The following SV2C variants were observed in gnomAD, a reference collection of about 807,000 sequenced individuals.
SV2C encodes the protein synaptic vesicle glycoprotein 2C.
In SV2C, 49 loss-of-function variants were observed where a neutral mutation model predicts 79.7. The ratio of observed to expected loss-of-function variants is 0.61; its 90% CI spans 0.49 to 0.78. SV2C has a LOEUF of 0.78. Ranked by LOEUF, SV2C falls within the 30% of genes least tolerant of loss-of-function variation. The pLI is 0.00. For synonymous variants in SV2C, 334 were observed against 333.2 expected, an observed-to-expected ratio of 1.00 and a Z score of -0.03; for missense variants, 833 against 912.9, an observed-to-expected ratio of 0.91 and a Z score of 1.13.
the SV2C span, among the ~76,000 whole-genome samples, chr5:75,891,391 A>G: frequency 4.5e-4 from 68 of 152,224 alleles, 1 homozygote; most frequent in African/African-American, 1.5e-3. Context: ...AGATTTGTAA[A>G]ATAGATAACA....
chr5:75,971,104 G>A, the SV2C span, among the ~76,000 whole-genome samples: 2 of 151,988 alleles, frequency 1.3e-5, no homozygotes, highest in African/African-American at 2.4e-5. Flanking sequence ...TGCAGAAAAG[G>A]CCTTTGACAA....
intron 1 of SV2C, among the ~76,000 whole-genome samples, chr5:76,114,140 C>G: frequency 6.6e-6 from 1 of 152,198 alleles, no homozygotes; most frequent in Non-Finnish European, 1.5e-5. Context: ...CAAAGCTGTG[C>G]TCCCATTTAG....
At chr5:75,875,619 G>T in the SV2C span, among the ~76,000 whole-genome samples, 19 of 152,168 alleles carry the variant, frequency 1.2e-4, no homozygotes, top group Middle Eastern at 3.4e-3. Flanking sequence ...CATAGCAAAA[G>T]AAACTATCAA....
chr5:76,071,180 C>T, the SV2C span, among the ~76,000 whole-genome samples: 1 of 152,164 alleles, frequency 6.6e-6, no homozygotes, highest in Non-Finnish European at 1.5e-5. Context: ...AGACCTAATG[C>T]CAAAATGGGG....
Position 76,132,203 on chromosome 5 carries a change from G to A in SV2C, c.453G>A (p.Gln151=), listed in dbSNP as rs966616481. ...AAGAATGCGGTCATGGTCGTTTTCA[G>A]TGGGCCCTTTTCTTCGTCCTGGGCA... ...IIQECGHGRF[Q]WALFFVLGMA... The change falls in exon 2 of 13, where the codon CAG becomes CAA. Residue 151 remains glutamine, a synonymous_variant. Transcript: ENST00000502798. The A allele has an allele frequency of 1.9e-6, 3 of 1,614,164 alleles. No individual in the cohort carries two copies. The highest frequency in any genetic ancestry group is 1.7e-6 in the Non-Finnish European group (2 of 1,180,024).
the SV2C span, among the ~76,000 whole-genome samples, chr5:75,882,001 G>C: frequency 9.2e-4 from 138 of 149,646 alleles, no homozygotes; most frequent in Non-Finnish European, 1.7e-3. Context: ...AGAGTTTTTA[G>C]CATGAAGTGT....
the SV2C span, among the ~76,000 whole-genome samples, chr5:76,048,973 A>AAGAAAGAAAGAAAGAAAGAG: frequency 4.1e-5 from 3 of 74,034 alleles, no homozygotes. Flanking sequence ...AAGAGAAAGA[A>AAGAAAGAAAGAAAGAAAGAG]AGAAAGAAAG....
At chr5:75,938,989 G>A in the SV2C span, among the ~76,000 whole-genome samples, 4 of 152,020 alleles carry the variant, frequency 2.6e-5, no homozygotes, top group Non-Finnish European at 5.9e-5. Context: ...GAGAGGCAGG[G>A]GAATGTCTTG....
At chr5:76,009,996 T>G in the SV2C span, among the ~76,000 whole-genome samples, 25 of 26,886 alleles carry the variant, frequency 9.3e-4, no homozygotes, top group Admixed American at 2.7e-3. Context: ...ATTTTGTTTT[T>G]TTTTTTTTTT....
chr5:76,056,624 C>CTTT, the SV2C span, among the ~76,000 whole-genome samples: 87 of 65,692 alleles, frequency 1.3e-3, 1 homozygote, highest in African/African-American at 2.1e-3. Context: ...CCTGGGCTTT[C>CTTT]TTTTTTTTTT....
rs1413807840 is a variant in SV2C, at chr5:76,326,704, C to T, written c.*1157C>T. On this transcript the variant is annotated 3_prime_UTR_variant, in exon 13 of 13. Transcript: ENST00000502798. ...ATGCGCTCCTGGCTCCCTGTAAAAT[C>T]ACAGCCCGCCTGCACTCCTGAGGGC... 6.6e-6 allele frequency: 1 copy of T among 152,490 alleles called. No homozygotes were observed. The highest frequency in any genetic ancestry group is 1.5e-5 in the Non-Finnish European group (1 of 68,286). 9.4% of individuals were successfully genotyped at this position (152,490 alleles called of 1,614,324 possible). A position where few individuals can be genotyped will look rare whatever the true frequency, so the allele number is the denominator to read the frequency against.
At chr5:75,885,446 G>A in the SV2C span, among the ~76,000 whole-genome samples, 2 of 152,132 alleles carry the variant, frequency 1.3e-5, no homozygotes, top group Non-Finnish European at 2.9e-5. Flanking sequence ...TTAAAAGATT[G>A]AGATTGCCTA....
chr5:76,297,783 A>G (rs568106965), intron 9 of SV2C, among the ~76,000 whole-genome samples: 69 of 152,296 alleles, frequency 4.5e-4, no homozygotes, highest in African/African-American at 1.5e-3. Context: ...AAAGTACTCA[A>G]TAGTTAGTAA....
At chr5:76,024,761 C>T in the SV2C span, among the ~76,000 whole-genome samples, 1 of 152,058 alleles carries the variant, frequency 6.6e-6, no homozygotes. Flanking sequence ...TCCAGTCGGC[C>T]CTGTGGAACT....
At chr5:75,877,397 A>C in the SV2C span, among the ~76,000 whole-genome samples, 1 of 152,078 alleles carries the variant, frequency 6.6e-6, no homozygotes, top group Non-Finnish European at 1.5e-5. Flanking sequence ...ATAAAACTAG[A>C]AGACCTGAAG....
At chr5:76,258,081 T>C (rs1409894996) in intron 4 of SV2C, among the ~76,000 whole-genome samples, 1 of 131,788 alleles carries the variant, frequency 7.6e-6, no homozygotes, top group Non-Finnish European at 1.6e-5. Context: ...ATGGGGGGTG[T>C]GGTATGTGGT....
chr5:76,331,078 C>T lies in SV2C; in HGVS notation c.*5531C>T, dbSNP rs1749172691. 1 of 152,082 alleles carries T rather than the reference C, an allele frequency of 6.6e-6. No individual in the cohort carries two copies. The highest frequency in any genetic ancestry group is 2.4e-5 in the African/African-American group (1 of 41,366). The allele number at this position is 152,082 out of a possible 1,614,324, so 9.4% of individuals were successfully genotyped here. ...TCACCATTTTGGCCAGGCTGGTCTC[C>T]AACTCCTAACTTCAAGTGATCTACC... On this transcript the variant is annotated 3_prime_UTR_variant, in exon 13 of 13. Coordinates refer to ENST00000502798, the MANE Select transcript of SV2C (RefSeq NM_014979.4).
chr5:76,104,952 G>A (rs1747860133), intron 1 of SV2C, among the ~76,000 whole-genome samples: 1 of 152,258 alleles, frequency 6.6e-6, no homozygotes, highest in South Asian at 2.1e-4. Flanking sequence ...TCCCACAGTT[G>A]CAGAAGCTGT....
chr5:76,269,980 G>A (rs1482773285), intron 4 of SV2C, among the ~76,000 whole-genome samples: 1 of 152,124 alleles, frequency 6.6e-6, no homozygotes, highest in East Asian at 1.9e-4. Flanking sequence ...CAAGATGAAT[G>A]ACCCAAATAG....
Sources: gnomAD v4.1 joint callset for allele counts (sites outside exome capture counted in the v4.1 genomes callset) on GRCh38, gnomAD v4.1.1 for gene constraint, MANE v1.5 for transcripts, NCBI Gene and HGNC (gene_info 2026-07-23, HGNC 2026-07-21) for gene names.